The following PITPNM2 variants were observed in gnomAD, a reference collection of about 807,000 sequenced individuals.
PITPNM2 encodes the protein membrane-associated phosphatidylinositol transfer protein 2.
In PITPNM2, 35 loss-of-function variants were observed where a neutral mutation model predicts 132.2. That is an observed-to-expected ratio of 0.26 (90% CI 0.20 to 0.35). The LOEUF is 0.35. Ranked by LOEUF, PITPNM2 falls within the 10% of genes least tolerant of loss-of-function variation. PITPNM2 has a pLI of 1.00. For synonymous variants in PITPNM2, 738 were observed against 799.2 expected (o/e 0.92, Z 1.29); for missense variants, 1,332 against 1,912.0 (o/e 0.70, Z 5.66).
At position 123,150,078 on chromosome 12, in the gene PITPNM2, G is replaced by A. The variant is rs1299801310; in HGVS notation, c.-200+675C>T. 5 of 152,796 alleles carry A rather than the reference G, an allele frequency of 3.3e-5. No individual in the cohort carries two copies. Among genetic ancestry groups the A allele is most frequent in the Admixed American group, 2.0e-4 (3 of 15,294 alleles). 9.5% of individuals were successfully genotyped at this position (152,796 alleles called of 1,614,324 possible). A position where few individuals can be genotyped will look rare whatever the true frequency, so the allele number is the denominator to read the frequency against. On this transcript the variant is annotated intron_variant, in intron 1 of 25. Transcript: ENST00000320201. This position sits in a 1 kb window ranked among gnomAD's most constrained non-coding sequence, Gnocchi z 6.0. Reference sequence around the variant, plus strand: ...ACCGCGCGCACTATGTTCACCTGGAGTGGCCGTTTGGGATTTCTTGCGGGG... The same window carrying A: ...ACCGCGCGCACTATGTTCACCTGGAATGGCCGTTTGGGATTTCTTGCGGGG...
chr12:123,055,843 A>T (rs1210112413), intron 2 of PITPNM2, among the ~76,000 whole-genome samples: 19 of 152,164 alleles, frequency 1.2e-4, no homozygotes, highest in Admixed American at 1.2e-3. Context: ...ACTCCCCACA[A>T]GCCCCCTCCA....
chr12:123,098,453 C>A (rs927027718), intron 2 of PITPNM2, among the ~76,000 whole-genome samples: 3 of 152,004 alleles, frequency 2.0e-5, no homozygotes, highest in Non-Finnish European at 2.9e-5. Context: ...ACCTGTAATC[C>A]CAGCACTTTG....
chr12:123,005,528 G>A lies in PITPNM2; in HGVS notation c.664C>T (p.Arg222Trp). 1 of 1,613,512 alleles carries A rather than the reference G, an allele frequency of 6.2e-7. No individual in the cohort carries two copies. Among genetic ancestry groups the A allele is most frequent in the Non-Finnish European group, 8.5e-7 (1 of 1,179,928 alleles). The part of the protein sequence containing the change: ...HDTGLRRVMV[R>W]AHRQAWCWQD... ...CAGCACCAGGCCTGCCGGTGAGCCC[G>A]CACCATCACCCTCCGTAGTCCTGTG... is the stretch of plus-strand genomic sequence containing the variant. The change falls in exon 7 of 26, where the codon CGG (arginine) becomes TGG (tryptophan). Residue 222 changes from arginine to tryptophan, a missense_variant. By Grantham distance (101) the Arg-to-Trp change is moderately radical. Coordinates refer to ENST00000320201, the MANE Select transcript of PITPNM2 (RefSeq NM_020845.3). The surrounding 1 kb of genome is among the most constrained non-coding windows in gnomAD (Gnocchi z 6.2).
rs962665332 is a variant in PITPNM2, at chr12:122,994,603, G to A, written c.2233+198C>T. Among the ~76,000 whole-genome samples the A allele has an allele frequency of 2.0e-5, 3 of 152,184 alleles. No individual in the cohort carries two copies. The highest frequency in any genetic ancestry group is 7.2e-5 in the African/African-American group (3 of 41,446). On this transcript the variant is annotated intron_variant, in intron 15 of 25. Coordinates refer to ENST00000320201, the MANE Select transcript of PITPNM2 (RefSeq NM_020845.3). This position sits in a 1 kb window ranked among gnomAD's most constrained non-coding sequence, Gnocchi z 5.4. ...GGCACCCCGGAGATGAAATGAAACA[G>A]CAGGTGTCACGGACGGCCAGTGACT...
intron 2 of PITPNM2, among the ~76,000 whole-genome samples, chr12:123,061,009 T>C (rs1221645010): frequency 6.6e-6 from 1 of 151,934 alleles, no homozygotes; most frequent in Non-Finnish European, 1.5e-5. Context: ...TCTACCCATG[T>C]AGCTACCGCG....
chr12:123,032,996 G>T (rs1043519015), intron 3 of PITPNM2, among the ~76,000 whole-genome samples: 6 of 152,196 alleles, frequency 3.9e-5, no homozygotes, highest in Admixed American at 3.9e-4. Flanking sequence ...GGGGCTGCAG[G>T]CTCTGCTGCG....
At chr12:123,110,346 TGGGAAGTAG>T (rs1238195188) in intron 2 of PITPNM2, 30 bp downstream of exon 2, 1 of 152,264 alleles carries the variant, frequency 6.6e-6, no homozygotes, top group Non-Finnish European at 1.5e-5. Flanking sequence ...GCCTCAGCTC[TGGGAAGTAG>T]GGTGCTACTG....
intron 1 of PITPNM2, among the ~76,000 whole-genome samples, chr12:123,146,413 G>A (rs1433206416): frequency 6.6e-6 from 1 of 151,966 alleles, no homozygotes; most frequent in Non-Finnish European, 1.5e-5. Context: ...TGGCCAACAT[G>A]GCAAAACCCA....
chr12:123,103,896 T>TTTTATTTA (rs113942958), intron 2 of PITPNM2, among the ~76,000 whole-genome samples: 8,816 of 149,888 alleles, frequency 0.059, 860 homozygotes, highest in African/African-American at 0.21. Flanking sequence ...TATTTTGTTA[T>TTTTATTTA]TTTATTTATT....
At chr12:123,115,162 G>A (rs1476361438) in intron 1 of PITPNM2, among the ~76,000 whole-genome samples, 2 of 152,162 alleles carry the variant, frequency 1.3e-5, no homozygotes, top group Admixed American at 6.5e-5. Context: ...AGGAGGAGCT[G>A]GCATCATGGA....
intron 2 of PITPNM2, 46 bp from the exon 3 acceptor site, chr12:123,034,731 G>C (rs2136463506): frequency 1.4e-6 from 1 of 707,684 alleles, no homozygotes; most frequent in South Asian, 1.7e-5. Context: ...TTCTGCAAAG[G>C]CTGGTGAATA....
At chr12:123,063,156 C>T (rs2041303707) in intron 2 of PITPNM2, among the ~76,000 whole-genome samples, 1 of 152,258 alleles carries the variant, frequency 6.6e-6, no homozygotes, top group Admixed American at 6.5e-5. Context: ...TGTTTCCAGG[C>T]CTGTGACTGG....
chr12:123,055,658 CAT>C (rs1387247042), intron 2 of PITPNM2, among the ~76,000 whole-genome samples: 1 of 152,226 alleles, frequency 6.6e-6, no homozygotes, highest in Non-Finnish European at 1.5e-5. Context: ...CTCAGATTCA[CAT>C]GTTTCTGGAC....
At chr12:123,047,061 C>T (rs1026113935) in intron 2 of PITPNM2, among the ~76,000 whole-genome samples, 3 of 152,140 alleles carry the variant, frequency 2.0e-5, no homozygotes, top group African/African-American at 7.2e-5. Flanking sequence ...AGAATGATCT[C>T]CCAAGGTGGA....
chr12:123,079,832 T>C (rs987545759), intron 2 of PITPNM2, among the ~76,000 whole-genome samples: 6 of 152,194 alleles, frequency 3.9e-5, no homozygotes, highest in African/African-American at 1.4e-4. Flanking sequence ...TTCAGTGGCA[T>C]TGAGTATATT....
At chr12:123,087,739 C>T (rs1333969858) in intron 2 of PITPNM2, 4 of 152,244 alleles carry the variant, frequency 2.6e-5, no homozygotes, top group Admixed American at 1.3e-4. Flanking sequence ...CCACCTCAGC[C>T]TCCCAAGTAG....
At chr12:123,126,371 C>A (rs184821570) in intron 1 of PITPNM2, among the ~76,000 whole-genome samples, 42 of 152,274 alleles carry the variant, frequency 2.8e-4, no homozygotes, top group Admixed American at 2.4e-3. Context: ...TCCAGTCTGG[C>A]AAGCAAGCTG....
At chr12:123,035,863 T>C (rs2040252131) in intron 2 of PITPNM2, among the ~76,000 whole-genome samples, 1 of 152,116 alleles carries the variant, frequency 6.6e-6, no homozygotes, top group African/African-American at 2.4e-5. Context: ...AAATTTTACA[T>C]TTATTTATTG....
chr12:123,113,207 T>C (rs2042874500), intron 1 of PITPNM2, among the ~76,000 whole-genome samples: 1 of 152,202 alleles, frequency 6.6e-6, no homozygotes, highest in African/African-American at 2.4e-5. Flanking sequence ...AGTTAAACAC[T>C]GCTGTCTCCA....
Sources: gnomAD v4.1 joint callset for allele counts (sites outside exome capture counted in the v4.1 genomes callset) on GRCh38, gnomAD v4.1.1 for gene constraint, Gnocchi (gnomAD v3.1) non-coding constraint, MANE v1.5 for transcripts, NCBI Gene and HGNC (gene_info 2026-07-23, HGNC 2026-07-21) for gene names.